Variants in KDELR1 observed in about 807,000 individuals in gnomAD.
KDELR1 encodes the protein ER lumen protein-retaining receptor 1.
A neutral mutation model predicts 25.5 loss-of-function variants in KDELR1; 16 were observed. That is an observed-to-expected ratio of 0.63 (90% confidence interval 0.43 to 0.95). KDELR1 has a LOEUF of 0.95. Ranked by LOEUF, KDELR1 falls within the 40% of genes least tolerant of loss-of-function variation. The pLI, the probability that KDELR1 is intolerant of heterozygous loss-of-function variation, is 0.00. For synonymous variants in KDELR1, 121 were observed against 115.0 expected (o/e 1.05, Z -0.33); for missense variants, 159 against 265.2 (o/e 0.60, Z 2.78).
At chr19:48,387,498 A>G (rs3786744) in intron 3 of KDELR1, among the ~76,000 whole-genome samples, 17,608 of 151,992 alleles carry the variant, frequency 0.12, 1,355 homozygotes, top group East Asian at 0.22. Context: ...GCCTGTCAAC[A>G]TGGTGAAACC....
chr19:48,396,511 C>T (rs1276104909), upstream of KDELR1, among the ~76,000 whole-genome samples: 4 of 151,534 alleles, frequency 2.6e-5, no homozygotes, highest in African/African-American at 9.7e-5. Context: ...TGAGTGTTAA[C>T]CCCGCGGGGG....
chr19:48,391,708 G>A (rs1042993058), upstream of KDELR1, among the ~76,000 whole-genome samples: 5 of 152,138 alleles, frequency 3.3e-5, no homozygotes, highest in Non-Finnish European at 7.4e-5. Context: ...TGGGAGGGTC[G>A]CAGGGTTCGG....
upstream of KDELR1, among the ~76,000 whole-genome samples, chr19:48,394,270 G>C (rs896929090): frequency 6.6e-6 from 1 of 151,862 alleles, no homozygotes; most frequent in Non-Finnish European, 1.5e-5. The surrounding 1 kb of genome is among the most constrained non-coding windows in gnomAD (Gnocchi z 5.1). Flanking sequence ...GCGTGTGTGC[G>C]TGAGTGTATG....
intron 1 of KDELR1, chr19:48,390,939 G>A (rs1184751706): frequency 6.5e-6 from 3 of 464,718 alleles, no homozygotes; most frequent in Non-Finnish European, 1.2e-5. Flanking sequence ...CTTCCTGGCC[G>A]CCACGGTCCA....
At chr19:48,394,608 G>T (rs1415564866), upstream of KDELR1, among the ~76,000 whole-genome samples, 2 of 152,074 alleles carry the variant, frequency 1.3e-5, no homozygotes, top group African/African-American at 4.8e-5. This position sits in a 1 kb window ranked among gnomAD's most constrained non-coding sequence, Gnocchi z 5.1. Context: ...GGTCGGGGCG[G>T]CAAGAGGACA....
At chr19:48,388,045 CATTG>C (rs773344177) in intron 3 of KDELR1, among the ~76,000 whole-genome samples, 5 of 152,202 alleles carry the variant, frequency 3.3e-5, no homozygotes, top group Non-Finnish European at 7.3e-5. Context: ...AGTCATTGAA[CATTG>C]ATTGACACAG....
chr19:48,395,766 T>C (rs2147430786), upstream of KDELR1, among the ~76,000 whole-genome samples: 2 of 151,760 alleles, frequency 1.3e-5, no homozygotes, highest in Middle Eastern at 3.4e-3. Context: ...TTGGGAAGGA[T>C]AGGGTTTGAA....
chr19:48,383,366 G>T, intron 4 of KDELR1, 39 bp from the exon 5 acceptor site: 1 of 1,547,154 alleles, frequency 6.5e-7, no homozygotes, highest in South Asian at 1.2e-5. Context: ...TACCGCTGGG[G>T]CCCCTGCAGG....
In KDELR1 at chr19:48,383,005, A is replaced by T. The variant is rs1264911037; in HGVS notation, c.*288T>A. Reference sequence around the variant, plus strand: ...AGGACACTCAAAAACACTTTATAAAAATTGGGGCCACAGAGTAGAAGAAAA... The same window carrying T: ...AGGACACTCAAAAACACTTTATAAATATTGGGGCCACAGAGTAGAAGAAAA... On this transcript the variant is annotated 3_prime_UTR_variant, in exon 5 of 5. Coordinates refer to ENST00000330720, the MANE Select transcript of KDELR1 (RefSeq NM_006801.3). 4.1e-6 allele frequency: 2 copies of T among 482,670 alleles called. No homozygotes were observed. Among genetic ancestry groups the T allele is most frequent in the Non-Finnish European group, 7.4e-6 (2 of 269,162 alleles). The allele number at this position is 482,670 out of a possible 1,614,324, so 29.9% of individuals were successfully genotyped here.
upstream of KDELR1, among the ~76,000 whole-genome samples, chr19:48,396,179 G>C (rs572030171): frequency 3.9e-5 from 6 of 152,036 alleles, no homozygotes; most frequent in Non-Finnish European, 7.4e-5. Flanking sequence ...AGATGGAGGC[G>C]GGGGGAGCGG....
upstream of KDELR1, among the ~76,000 whole-genome samples, chr19:48,395,279 T>C (rs1600964674): frequency 6.8e-6 from 1 of 147,302 alleles, no homozygotes; most frequent in South Asian, 2.2e-4. Context: ...CCTGCATCAG[T>C]CCCCCCATCG....
chr19:48,394,422 C>CCAGA (rs1158718308), upstream of KDELR1, among the ~76,000 whole-genome samples: 1 of 144,130 alleles, frequency 6.9e-6, no homozygotes, highest in Non-Finnish European at 1.5e-5. This position sits in a 1 kb window ranked among gnomAD's most constrained non-coding sequence, Gnocchi z 5.1. Flanking sequence ...CAGAGGTGAC[C>CCAGA]CAGACAGACA....
At chr19:48,392,256 T>C (rs1376242953), upstream of KDELR1, among the ~76,000 whole-genome samples, 695 of 13,780 alleles carry the variant, frequency 0.05, no homozygotes, top group Middle Eastern at 0.13. Context: ...CCCCCAGCCC[T>C]TCCTCCCTCA....
rs149633144 is a variant in KDELR1 at position 48,385,289 on chromosome 19, T to A, written c.352-807A>T. Among the ~76,000 whole-genome samples the A allele has an allele frequency of 2.9e-3, 445 of 152,272 alleles. 13 individuals are homozygous for A. The highest frequency in any genetic ancestry group is 4.3e-3 in the East Asian group (22 of 5,172). ...CTGCCTCCTCCGTATTCTCCCAGCCTCAGCTCATTAGTCACCTCCCGAGAG... is the reference window on the plus strand; with the variant it reads ...CTGCCTCCTCCGTATTCTCCCAGCCACAGCTCATTAGTCACCTCCCGAGAG... On this transcript the variant is annotated intron_variant, in intron 3 of 4. Transcript: ENST00000330720.
intron 3 of KDELR1, among the ~76,000 whole-genome samples, chr19:48,387,334 A>G (rs1417716091): frequency 6.6e-6 from 1 of 152,100 alleles, no homozygotes; most frequent in African/African-American, 2.4e-5. Flanking sequence ...TCTCTGACCC[A>G]TGGGCCAAAG....
intron 1 of KDELR1, 177 bp from the exon 2 acceptor site, chr19:48,390,701 G>T: frequency 1.8e-6 from 1 of 564,174 alleles, no homozygotes; most frequent in Middle Eastern, 4.7e-4. Flanking sequence ...AGCTGTCCCC[G>T]GAGGCCTCCC....
upstream of KDELR1, among the ~76,000 whole-genome samples, chr19:48,395,474 G>A (rs1351546236): frequency 6.6e-6 from 1 of 152,004 alleles, no homozygotes; most frequent in Admixed American, 6.6e-5. Context: ...ATCAGGATTC[G>A]GGTGGGGAGA....
intron 3 of KDELR1, among the ~76,000 whole-genome samples, chr19:48,385,308 C>A (rs1055439547): frequency 6.6e-6 from 1 of 152,220 alleles, no homozygotes; most frequent in African/African-American, 2.4e-5. Flanking sequence ...TAGTCACCTC[C>A]CGAGAGGGAC....
At chr19:48,389,822 C>A (rs909201519) in intron 2 of KDELR1, 111 bp from the exon 3 acceptor site, 3 of 1,171,364 alleles carry the variant, frequency 2.6e-6, no homozygotes, top group Admixed American at 2.2e-5. Flanking sequence ...AGACCCCCAA[C>A]CCCTCCTCCC....
Sources: gnomAD v4.1 joint callset for allele counts (sites outside exome capture counted in the v4.1 genomes callset) on GRCh38, gnomAD v4.1.1 for gene constraint, Gnocchi (gnomAD v3.1) non-coding constraint, MANE v1.5 for transcripts, NCBI Gene and HGNC (gene_info 2026-07-23, HGNC 2026-07-21) for gene names.